Variants in CDK5RAP2 observed in about 807,000 individuals in gnomAD.
CDK5RAP2 encodes CDK5 regulatory subunit-associated protein 2.
In CDK5RAP2, 147 loss-of-function variants were observed where a neutral mutation model predicts 232.9. That is an observed-to-expected ratio of 0.63 (90% CI 0.55 to 0.72). The LOEUF is 0.72. CDK5RAP2 is among the 30% of genes least tolerant of loss of function. The pLI, the probability that CDK5RAP2 is intolerant of heterozygous loss-of-function variation, is 0.00. For synonymous variants in CDK5RAP2, 833 were observed against 833.7 expected (o/e 1.00, Z 0.01); for missense variants, 2,195 against 2,231.5 (o/e 0.98, Z 0.33).
At chr9:120,486,903 G>A (rs976402500) in intron 14 of CDK5RAP2, among the ~76,000 whole-genome samples, 1 of 152,166 alleles carries the variant, frequency 6.6e-6, no homozygotes, top group South Asian at 2.1e-4. Context: ...TGCTATTGCT[G>A]GCGACGAAAG....
At position 120,447,999 on chromosome 9, in the gene CDK5RAP2, T is replaced by TC; in HGVS notation, c.2920dup (p.Glu974GlyfsTer6). The TC allele has an allele frequency of 6.2e-7, 1 of 1,614,026 alleles. No homozygotes were observed. Among genetic ancestry groups the TC allele is most frequent in the Non-Finnish European group, 8.5e-7 (1 of 1,179,964 alleles). On this transcript the variant is annotated frameshift_variant, in exon 22 of 38. Transcript: ENST00000349780. LOFTEE classifies it high-confidence loss of function. Reference sequence around the variant, plus strand: ...ATTACAAGTTTTAAACTCCTTCAGCTCCCCCTGCAGCTCCAAGATCTGGCT... The same window carrying TC: ...ATTACAAGTTTTAAACTCCTTCAGCTCCCCCCTGCAGCTCCAAGATCTGGCT...
rs137926375 is a variant in CDK5RAP2, at chr9:120,497,492, C to T, written c.1312-6015G>A. On this transcript the variant is annotated intron_variant, in intron 12 of 37. Transcript: ENST00000349780. ...GATGCTAGAATTCTTCAAAGTATGA[C>T]GAGAAGCAGGATATTCATATAGTCT... Among the ~76,000 whole-genome samples, 769 of 129,876 alleles carry T rather than the reference C, an allele frequency of 5.9e-3. 13 individuals carry two copies. The highest frequency in any genetic ancestry group is 0.02 in the African/African-American group (735 of 35,986). The allele number at this position is 129,876 out of a possible 152,430, so 85.2% of individuals were successfully genotyped here. A position where few individuals can be genotyped will look rare whatever the true frequency, so the allele number is the denominator to read the frequency against.
At chr9:120,520,102 CTATTTTTTAAATTAT>C (rs2040548223) in intron 11 of CDK5RAP2, among the ~76,000 whole-genome samples, 1 of 152,198 alleles carries the variant, frequency 6.6e-6, no homozygotes, top group African/African-American at 2.4e-5. Flanking sequence ...GTAATGGCCT[CTATTTTTTAAATTAT>C]TATTTTTTCC....
intron 3 of CDK5RAP2, among the ~76,000 whole-genome samples, chr9:120,557,621 T>A (rs1440455029): frequency 6.6e-6 from 1 of 151,904 alleles, no homozygotes; most frequent in African/African-American, 2.4e-5. Context: ...TAGCTGGGTA[T>A]AGTGGCACAC....
At chr9:120,401,008 C>A in intron 34 of CDK5RAP2, 123 bp from the exon 35 acceptor site, 1 of 1,005,296 alleles carries the variant, frequency 9.9e-7, no homozygotes, top group Non-Finnish European at 1.5e-6. Context: ...GAGCGAAAGC[C>A]TGGTACCACA....
At chr9:120,428,437 C>G (rs529893398) in intron 25 of CDK5RAP2, among the ~76,000 whole-genome samples, 1 of 152,258 alleles carries the variant, frequency 6.6e-6, no homozygotes, top group African/African-American at 2.4e-5. Flanking sequence ...CACCACCGAT[C>G]CCAAAGAAAT....
intron 12 of CDK5RAP2, among the ~76,000 whole-genome samples, chr9:120,509,154 C>A (rs534006472): frequency 1.3e-5 from 2 of 152,302 alleles, no homozygotes; most frequent in African/African-American, 4.8e-5. Context: ...AGGGATCAAT[C>A]AGCTGGAAAG....
At chr9:120,480,295 G>C (rs976174156) in intron 14 of CDK5RAP2, among the ~76,000 whole-genome samples, 1 of 152,070 alleles carries the variant, frequency 6.6e-6, no homozygotes, top group Non-Finnish European at 1.5e-5. Flanking sequence ...AGGAATATGA[G>C]CAAGGGAAAA....
rs1012325579 is a variant in CDK5RAP2 at position 120,407,178 on chromosome 9, C to T, written c.4797G>A (p.Gln1599=). Residue 1599 remains glutamine (Q), a synonymous_variant, in exon 32 of 38, where the codon CAG becomes CAA. Coordinates refer to ENST00000349780, the MANE Select transcript of CDK5RAP2 (RefSeq NM_018249.6). ...RDLHSLLMEI[Q]ALRLQLERSI... ...TCCTTTCTAGTTGCAAGCGCAGAGCCTGGATCTCCATCAGGAGGCTGTGCA... is the reference window on the plus strand; with the variant it reads ...TCCTTTCTAGTTGCAAGCGCAGAGCTTGGATCTCCATCAGGAGGCTGTGCA... 5.0e-6 allele frequency: 8 copies of T among 1,613,962 alleles called. No homozygotes were observed. The East Asian group carries it at 1.8e-4, about 36-fold the overall frequency.
chr9:120,545,359 G>A (rs547748983), intron 5 of CDK5RAP2, among the ~76,000 whole-genome samples: 18 of 152,166 alleles, frequency 1.2e-4, no homozygotes, highest in Non-Finnish European at 2.4e-4. Flanking sequence ...AAAACAGGCA[G>A]AACTAACAGT....
chr9:120,422,240 G>C (rs1479155186), intron 26 of CDK5RAP2, among the ~76,000 whole-genome samples: 3 of 152,210 alleles, frequency 2.0e-5, no homozygotes, highest in African/African-American at 7.2e-5. Flanking sequence ...AACTTCAAGA[G>C]GAGGAAGGCA....
intron 12 of CDK5RAP2, among the ~76,000 whole-genome samples, chr9:120,504,278 A>C (rs2131734669): frequency 6.6e-6 from 1 of 152,180 alleles, no homozygotes; most frequent in East Asian, 1.9e-4. Flanking sequence ...GAAATGAGGG[A>C]GTTGGCCTGC....
intron 22 of CDK5RAP2, among the ~76,000 whole-genome samples, chr9:120,444,589 G>GA (rs1448097171): frequency 2.0e-5 from 3 of 152,236 alleles, no homozygotes; most frequent in Non-Finnish European, 4.4e-5. Context: ...GGTGGTAAGG[G>GA]AAGAGCAATT....
At chr9:120,465,383 T>C (rs1359141675) in intron 18 of CDK5RAP2, among the ~76,000 whole-genome samples, 2 of 152,158 alleles carry the variant, frequency 1.3e-5, no homozygotes, top group East Asian at 3.8e-4. Context: ...TCATTAGAGA[T>C]TTTTTTAAAT....
chr9:120,434,682 G>A (rs1327784856), intron 25 of CDK5RAP2, among the ~76,000 whole-genome samples: 3 of 152,176 alleles, frequency 2.0e-5, no homozygotes, highest in Non-Finnish European at 4.4e-5. Flanking sequence ...AGGCAGCCAG[G>A]GAGGGAGAGG....
At chr9:120,390,147 G>A (rs1773877346) in intron 36 of CDK5RAP2, 1 of 286,486 alleles carries the variant, frequency 3.5e-6, no homozygotes, top group Non-Finnish European at 7.0e-6. Flanking sequence ...GGGCAATGGC[G>A]CAGGGAGGGT....
intron 32 of CDK5RAP2, among the ~76,000 whole-genome samples, chr9:120,405,826 A>G (rs967456610): frequency 4.6e-5 from 7 of 152,366 alleles, no homozygotes; most frequent in Middle Eastern, 3.4e-3. Flanking sequence ...AATAGCCTGC[A>G]AACAATCATT....
At chr9:120,471,659 CT>C (rs2037711483) in intron 16 of CDK5RAP2, 88 bp downstream of exon 16, 1 of 1,587,136 alleles carries the variant, frequency 6.3e-7, no homozygotes, top group Non-Finnish European at 8.6e-7. Flanking sequence ...TGCTTCATCC[CT>C]TAACAAATAT....
In CDK5RAP2 at chr9:120,419,845, G is replaced by A; in HGVS notation, c.4120C>T (p.Gln1374Ter). ...TTCTCTGTCTCATTATCTTGCTTCTGGTCTCGTGAGAAGAAGGACTTTTCA... is the reference window on the plus strand; with the variant it reads ...TTCTCTGTCTCATTATCTTGCTTCTAGTCTCGTGAGAAGAAGGACTTTTCA... ...TSEKSFFSRD[Q>*]KQDNETEKTS... Residue 1374 changes from glutamine (Q) to a stop codon, truncating the protein, a stop_gained, in exon 27 of 38, where the codon CAG (glutamine) becomes TAG (stop). Coordinates refer to ENST00000349780, the MANE Select transcript of CDK5RAP2 (RefSeq NM_018249.6). LOFTEE classifies it high-confidence loss of function. 6.2e-7 allele frequency: 1 copy of A among 1,613,578 alleles called. No homozygotes were observed. Among genetic ancestry groups the A allele is most frequent in the Non-Finnish European group, 8.5e-7 (1 of 1,179,510 alleles).
Sources: allele counts gnomAD v4.1 joint callset (sites outside exome capture counted in the v4.1 genomes callset), GRCh38; gene constraint gnomAD v4.1.1; transcripts MANE v1.5; gene names NCBI Gene and HGNC (gene_info 2026-07-23, HGNC 2026-07-21).